The following MOK variants were observed in gnomAD, a reference collection of about 807,000 sequenced individuals.
MOK encodes the protein MAPK/MAK/MRK overlapping kinase.
Under a neutral mutation model 54.2 loss-of-function variants are expected in MOK, and 59 were observed. The observed-to-expected ratio is 1.09, with a 90% CI of 0.88 to 1.35. MOK has a LOEUF of 1.35. Ranked by LOEUF, MOK falls within the 40% of genes most tolerant of loss-of-function variation. MOK has a pLI of 0.00. For missense variants in MOK, 517 were observed against 526.2 expected, an observed-to-expected ratio of 0.98 and a Z score of 0.17; for synonymous variants, 210 against 202.7, an observed-to-expected ratio of 1.04 and a Z score of -0.31.
intron 2 of MOK, among the ~76,000 whole-genome samples, chr14:102,279,160 T>A (rs917568185): frequency 6.6e-6 from 1 of 152,194 alleles, no homozygotes; most frequent in African/African-American, 2.4e-5. Flanking sequence ...TGTGCCAATG[T>A]CACTGCCTCG....
intron 1 of MOK, among the ~76,000 whole-genome samples, chr14:102,302,262 G>T (rs563316697): frequency 6.7e-6 from 1 of 148,728 alleles, no homozygotes; most frequent in Non-Finnish European, 1.5e-5. Context: ...TAGTAGAGAC[G>T]GGGTTTCACC....
intron 1 of MOK, among the ~76,000 whole-genome samples, chr14:102,286,261 T>C (rs1447538195): frequency 7.8e-6 from 1 of 127,866 alleles, no homozygotes; most frequent in African/African-American, 3.1e-5. Context: ...ATCGCGCCAC[T>C]GCACTCCAGC....
In MOK at chr14:102,229,412, C is replaced by A. The variant is rs1270551201; in HGVS notation, c.1182+45G>T. 1.2e-5 allele frequency: 19 copies of A among 1,613,992 alleles called. 1 individual carries two copies. Among genetic ancestry groups the A allele is most frequent in the Non-Finnish European group, 1.6e-5 (19 of 1,179,976 alleles). On this transcript the variant is annotated intron_variant, in intron 11 of 11. Transcript: ENST00000361847. ...ACACAAAATTCAGTGGCGGCCTGGG[C>A]TGGGTCGAAGAGCAGCGCCGTCAGA...
chr14:102,304,361 C>T (rs955287538), intron 1 of MOK, among the ~76,000 whole-genome samples: 3 of 152,206 alleles, frequency 2.0e-5, no homozygotes, highest in African/African-American at 7.2e-5. Flanking sequence ...TTACCCGTTA[C>T]ATTTTCTAGA....
chr14:102,288,496 G>A (rs1011677642), intron 1 of MOK, among the ~76,000 whole-genome samples: 3 of 152,144 alleles, frequency 2.0e-5, no homozygotes, highest in African/African-American at 7.2e-5. Flanking sequence ...AATCTATAGA[G>A]GCAGGAAATA....
downstream of MOK, among the ~76,000 whole-genome samples, chr14:102,227,125 C>T (rs1048211659): frequency 1.3e-5 from 2 of 152,188 alleles, no homozygotes; most frequent in Non-Finnish European, 2.9e-5. Context: ...CTGCAGACCA[C>T]ATTTGCTTTC....
intron 4 of MOK, among the ~76,000 whole-genome samples, chr14:102,256,020 G>A (rs1205888391): frequency 6.6e-6 from 1 of 152,186 alleles, no homozygotes; most frequent in Non-Finnish European, 1.5e-5. Context: ...CCTGCAGAAT[G>A]ACGGCATCCC....
At chr14:102,217,733 T>C in the MOK span, among the ~76,000 whole-genome samples, 2 of 152,346 alleles carry the variant, frequency 1.3e-5, no homozygotes, top group East Asian at 3.9e-4. Context: ...TCTGTTGTGG[T>C]CTGTGTAGTG....
At chr14:102,216,707 A>C in the MOK span, among the ~76,000 whole-genome samples, 1 of 152,168 alleles carries the variant, frequency 6.6e-6, no homozygotes, top group Non-Finnish European at 1.5e-5. Flanking sequence ...AGGCGGGTGG[A>C]TCACCTGAGC....
intron 4 of MOK, 65 bp downstream of exon 4, chr14:102,263,481 A>G: frequency 8.7e-7 from 1 of 1,147,046 alleles, no homozygotes; most frequent in Non-Finnish European, 1.3e-6. Context: ...GAGAATAACT[A>G]AGCATATATG....
At chr14:102,233,358 C>T (rs1409107194) in intron 8 of MOK, 3 of 271,044 alleles carry the variant, frequency 1.1e-5, no homozygotes, top group African/African-American at 6.6e-5. Flanking sequence ...GCCCTCACCA[C>T]CTATGCTCTG....
At chr14:102,281,617 T>C (rs867760837) in intron 2 of MOK, among the ~76,000 whole-genome samples, 11 of 152,088 alleles carry the variant, frequency 7.2e-5, no homozygotes, top group Non-Finnish European at 8.8e-5. Flanking sequence ...TGTTTTTTTT[T>C]TAATTTTTGT....
chr14:102,270,069 CACA>C (rs2068231518), intron 2 of MOK, among the ~76,000 whole-genome samples: 1 of 152,196 alleles, frequency 6.6e-6, no homozygotes, highest in South Asian at 2.1e-4. Context: ...GAAAACTTTA[CACA>C]ACATGTTCTC....
the MOK span, among the ~76,000 whole-genome samples, chr14:102,216,912 G>A: frequency 2.6e-5 from 4 of 152,138 alleles, no homozygotes; most frequent in African/African-American, 4.8e-5. Flanking sequence ...CAGCCTGGGC[G>A]ACAGAGCGAG....
chr14:102,258,110 T>C (rs1333763294), intron 4 of MOK, among the ~76,000 whole-genome samples: 1 of 152,198 alleles, frequency 6.6e-6, no homozygotes, highest in Admixed American at 6.5e-5. Flanking sequence ...TGCAATATAT[T>C]AGAAATAAAA....
chr14:102,286,485 C>T (rs936580473), intron 1 of MOK, among the ~76,000 whole-genome samples: 1 of 151,934 alleles, frequency 6.6e-6, no homozygotes, highest in African/African-American at 2.4e-5. Flanking sequence ...ATGGCACACG[C>T]CTGTCATCCC....
intron 2 of MOK, among the ~76,000 whole-genome samples, chr14:102,282,070 T>C (rs986591365): frequency 2.6e-5 from 4 of 152,124 alleles, no homozygotes; most frequent in African/African-American, 9.7e-5. Context: ...TCCTCATATA[T>C]GAAACAAGGA....
In MOK at chr14:102,251,973, T is replaced by C; in HGVS notation, c.306A>G (p.Glu102=). 1 of 1,601,948 alleles carries C rather than the reference T, an allele frequency of 6.2e-7. No individual in the cohort carries two copies. The change falls in exon 5 of 12, where the codon GAA becomes GAG. Residue 102 remains glutamate (E), a synonymous_variant. Coordinates refer to ENST00000361847, the MANE Select transcript of MOK (RefSeq NM_014226.3). ...GGTACATATAGTGCATAATTTTTTT[T>C]TCTGATAATGGGTATCTTCTCCCTG... ...LIRGRRYPLS[E]KKIMHYMYQL...
chr14:102,232,447 A>AG lies in MOK; in HGVS notation c.866+87dup. 1.4e-6 allele frequency: 2 copies of AG among 1,437,292 alleles called. No homozygotes were observed. The highest frequency in any genetic ancestry group is 9.4e-7 in the Non-Finnish European group (1 of 1,059,740). The allele number at this position is 1,437,292 out of a possible 1,614,324, so 89.0% of individuals were successfully genotyped here. On this transcript the variant is annotated intron_variant, in intron 9 of 11. Transcript: ENST00000361847. The surrounding 1 kb of genome is among the most constrained non-coding windows in gnomAD (Gnocchi z 5.1). ...GATTCCCAAGAACCAGGGACCCTCC[A>AG]GGGGGCAGTACCTTGCCCCACCATG...
Sources: allele counts gnomAD v4.1 joint callset (sites outside exome capture counted in the v4.1 genomes callset), GRCh38; gene constraint gnomAD v4.1.1; non-coding constraint Gnocchi (gnomAD v3.1); transcripts MANE v1.5; gene names NCBI Gene and HGNC (gene_info 2026-07-23, HGNC 2026-07-21).